The following AFAP1L2 variants were observed in gnomAD, a reference collection of about 807,000 sequenced individuals.
AFAP1L2 encodes actin filament-associated protein 1-like 2.
In AFAP1L2, 46 loss-of-function variants were observed where a neutral mutation model predicts 99.3. That is an observed-to-expected ratio of 0.46 (90% CI 0.37 to 0.59). The LOEUF (loss-of-function observed/expected upper bound fraction) is 0.59, where lower values mean the gene tolerates loss of function less well. Among genes scored for constraint, AFAP1L2 ranks in the 20% least tolerant of loss-of-function variants. The pLI is 0.00. For synonymous variants in AFAP1L2, 397 were observed against 419.1 expected (o/e 0.95, Z 0.64); for missense variants, 959 against 1,034.9 (o/e 0.93, Z 1.01).
chr10:114,329,417 CGCGGT>C lies in AFAP1L2; in HGVS notation c.315+2381_315+2385del, dbSNP rs1481790613. 2.6e-5 allele frequency among the ~76,000 whole-genome samples: 4 copies of C among 152,198 alleles called. No homozygotes were observed. The East Asian group carries it at 7.7e-4, about 29-fold the overall frequency. ...CAATTTCTAGAACACTCACACAGTA[CGCGGT>C]GCTCATGAAACTCTGCCCCTACCCA... On this transcript the variant is annotated intron_variant, in intron 4 of 18. Transcript: ENST00000304129.
chr10:114,329,002 G>A (rs2046847315), intron 4 of AFAP1L2, among the ~76,000 whole-genome samples: 1 of 152,224 alleles, frequency 6.6e-6, no homozygotes, highest in Non-Finnish European at 1.5e-5. Context: ...CAAAGTGGGA[G>A]GGAGCTGCCT....
In AFAP1L2 at chr10:114,295,089, A is replaced by AGAG; in HGVS notation, c.*950_*952dup. 5 of 985,626 alleles carry AGAG rather than the reference A, an allele frequency of 5.1e-6. No individual in the cohort carries two copies. The highest frequency in any genetic ancestry group is 6.0e-6 in the Non-Finnish European group (5 of 829,876). 61.1% of individuals were successfully genotyped at this position (985,626 alleles called of 1,614,324 possible). A position where few individuals can be genotyped will look rare whatever the true frequency, so the allele number is the denominator to read the frequency against. On this transcript the variant is annotated 3_prime_UTR_variant, in exon 19 of 19. Coordinates refer to ENST00000304129, the MANE Select transcript of AFAP1L2 (RefSeq NM_001001936.3). Reference sequence around the variant, plus strand: ...ACAAGGAACAGCACTGCCAATTTTAAGAGGGCGATCACCCTAACCAAAAAT... The same window carrying AGAG: ...ACAAGGAACAGCACTGCCAATTTTAAGAGGAGGGCGATCACCCTAACCAAAAAT...
At chr10:114,348,417 G>A (rs573131908) in intron 1 of AFAP1L2, among the ~76,000 whole-genome samples, 5 of 152,184 alleles carry the variant, frequency 3.3e-5, no homozygotes, top group Admixed American at 1.3e-4. Context: ...AATAGCTTTC[G>A]GAGTCTGACT....
At chr10:114,371,013 T>C (rs952805471) in intron 1 of AFAP1L2, among the ~76,000 whole-genome samples, 4 of 152,322 alleles carry the variant, frequency 2.6e-5, no homozygotes, top group Non-Finnish European at 5.9e-5. Context: ...AAGTCTCTCA[T>C]GACCATGACA....
intron 2 of AFAP1L2, among the ~76,000 whole-genome samples, chr10:114,337,445 A>T (rs544966639): frequency 2.7e-4 from 41 of 152,382 alleles, no homozygotes; most frequent in African/African-American, 9.4e-4. Flanking sequence ...TCCGTTAAAC[A>T]GTGGCTATTA....
rs773788534 is a variant in AFAP1L2, at chr10:114,310,338, CA to C, written c.882+15del. The C allele has an allele frequency of 2.5e-6, 4 of 1,599,806 alleles. No homozygotes were observed. The Admixed American group carries it at 7.2e-5, about 29-fold the overall frequency. On this transcript the variant is annotated intron_variant, in intron 8 of 18. Transcript: ENST00000304129. The stretch of plus-strand genomic sequence containing the variant: ...CATGGAAGGGGACTCTCCCTCCAGG[CA>C]GGGCAGAGGCTTACTTTCTGGCAGT...
Position 114,301,337 on chromosome 10 carries a change from C to T in AFAP1L2, c.1542+17G>A, listed in dbSNP as rs989377832. 8.1e-6 allele frequency: 13 copies of T among 1,601,996 alleles called. No homozygotes were observed. The African/African-American group carries it at 1.2e-4, about 15-fold the overall frequency. ...GGGCCTGGAGAGGCCCAGGCCACTG[C>T]CTGGCCGGGTCCTTACCGCAGCTGT... On this transcript the variant is annotated intron_variant, in intron 13 of 18. Transcript: ENST00000304129.
At chr10:114,292,162 A>G (rs1440341268), downstream of AFAP1L2, among the ~76,000 whole-genome samples, 3 of 152,040 alleles carry the variant, frequency 2.0e-5, no homozygotes, top group Admixed American at 6.6e-5. Flanking sequence ...CTATAATCCC[A>G]GCTACTCGGG....
chr10:114,294,797 C>CAAGT (rs2039926605), downstream of AFAP1L2: 3 of 980,886 alleles, frequency 3.1e-6, no homozygotes, highest in Middle Eastern at 1.0e-3. Context: ...GGCCCTGCCC[C>CAAGT]AAGTCATTTC....
At chr10:114,310,132 G>A (rs112813928) in intron 8 of AFAP1L2, among the ~76,000 whole-genome samples, 4,147 of 152,180 alleles carry the variant, frequency 0.027, 170 homozygotes, top group African/African-American at 0.092. Flanking sequence ...TCACCATGTT[G>A]GCCAGGCTGG....
intron 7 of AFAP1L2, among the ~76,000 whole-genome samples, chr10:114,311,610 G>C (rs1217546345): frequency 2.0e-5 from 3 of 152,212 alleles, no homozygotes; most frequent in African/African-American, 7.2e-5. Flanking sequence ...TGTATGTCAA[G>C]CACCCAGCAC....
At chr10:114,368,038 C>T (rs2053538515) in intron 1 of AFAP1L2, among the ~76,000 whole-genome samples, 1 of 152,116 alleles carries the variant, frequency 6.6e-6, no homozygotes, top group Admixed American at 6.5e-5. Flanking sequence ...CAGCACTGTC[C>T]TACTTGATAC....
At chr10:114,327,538 G>C (rs1477242536) in intron 4 of AFAP1L2, among the ~76,000 whole-genome samples, 1 of 152,060 alleles carries the variant, frequency 6.6e-6, no homozygotes, top group African/African-American at 2.4e-5. Flanking sequence ...AGGCTTGGCA[G>C]GATTGACCAG....
Position 114,333,307 on chromosome 10 carries a change from A to C in AFAP1L2, c.146-12T>G. 4 of 1,610,210 alleles carry C rather than the reference A, an allele frequency of 2.5e-6. No individual in the cohort carries two copies. Among genetic ancestry groups the C allele is most frequent in the Non-Finnish European group, 3.4e-6 (4 of 1,176,488 alleles). Reference sequence around the variant, plus strand: ...CTCCTCATCAGAGCCTGCAGAAGGAAGGAGACACAGGCTTTGTGTGACTTC... The same window carrying C: ...CTCCTCATCAGAGCCTGCAGAAGGACGGAGACACAGGCTTTGTGTGACTTC... On this transcript the variant is annotated splice_polypyrimidine_tract_variant and intron_variant, in intron 2 of 18. Coordinates refer to ENST00000304129, the MANE Select transcript of AFAP1L2 (RefSeq NM_001001936.3).
chr10:114,284,876 G>A, the AFAP1L2 span: 5 of 1,608,254 alleles, frequency 3.1e-6, no homozygotes, highest in South Asian at 3.3e-5. Flanking sequence ...CCTGTGACTC[G>A]CAGCCCTGCC....
At chr10:114,301,750 C>A in intron 12 of AFAP1L2, 1 of 458,784 alleles carries the variant, frequency 2.2e-6, no homozygotes, top group African/African-American at 1.9e-5. Flanking sequence ...CCCCATTCCT[C>A]CCTTCTAGGA....
chr10:114,357,438 AG>A (rs2051551244), intron 1 of AFAP1L2, among the ~76,000 whole-genome samples: 1 of 152,158 alleles, frequency 6.6e-6, no homozygotes, highest in Non-Finnish European at 1.5e-5. Flanking sequence ...CAAGGCCCCA[AG>A]GTGTGGTCAG....
the AFAP1L2 span, chr10:114,286,123 G>A: frequency 9.3e-6 from 15 of 1,613,998 alleles, no homozygotes; most frequent in East Asian, 6.7e-5. Context: ...TGCTGGTGGC[G>A]GTGCCTGTGG....
At chr10:114,392,905 A>G (rs1162907609) in intron 1 of AFAP1L2, among the ~76,000 whole-genome samples, 3 of 152,216 alleles carry the variant, frequency 2.0e-5, no homozygotes, top group South Asian at 2.1e-4. Flanking sequence ...TTCCCTTGGC[A>G]GGAAAATAAA....
Sources: gnomAD v4.1 joint callset for allele counts (sites outside exome capture counted in the v4.1 genomes callset) on GRCh38, gnomAD v4.1.1 for gene constraint, MANE v1.5 for transcripts, NCBI Gene and HGNC (gene_info 2026-07-23, HGNC 2026-07-21) for gene names.